SGMS1: variants seen among roughly 807,000 people sequenced by gnomAD.
The protein encoded by SGMS1 is sphingomyelin synthase 1.
Under a neutral mutation model 46.2 loss-of-function variants are expected in SGMS1, and 13 were observed. The observed-to-expected ratio is 0.28, with a 90% CI of 0.18 to 0.45. SGMS1 has a LOEUF of 0.45. SGMS1 is among the 20% of genes least tolerant of loss of function. SGMS1 has a pLI of 1.00. For synonymous variants in SGMS1, 203 were observed against 187.8 expected (o/e 1.08, Z -0.66); for missense variants, 324 against 519.9 (o/e 0.62, Z 3.66).
At chr10:50,341,774 A>G (rs1847825206) in intron 7 of SGMS1, among the ~76,000 whole-genome samples, 1 of 152,178 alleles carries the variant, frequency 6.6e-6, no homozygotes, top group African/African-American at 2.4e-5. Flanking sequence ...CAGTATTGTC[A>G]ATAAGTACCA....
chr10:50,608,894 A>G lies in SGMS1; in HGVS notation c.-684+14813T>C, dbSNP rs1284044950. On this transcript the variant is annotated intron_variant, in intron 1 of 10. Coordinates refer to ENST00000361781, the MANE Select transcript of SGMS1 (RefSeq NM_147156.4). ...ATGATATTTGCATATAACCTACACA[A>G]ATCCTCCTGTATCCTTTAAGTCATC... Among the ~76,000 whole-genome samples, 4 of 152,322 alleles carry G rather than the reference A, an allele frequency of 2.6e-5. No individual in the cohort carries two copies. In the East Asian group the frequency reaches 5.8e-4, roughly 22 times the overall value.
At chr10:50,587,682 G>A (rs914703787) in intron 2 of SGMS1, among the ~76,000 whole-genome samples, 75 of 68,078 alleles carry the variant, frequency 1.1e-3, no homozygotes, top group Middle Eastern at 8.1e-3. Context: ...TGTGTGTGTC[G>A]TTATGTAGTA....
At chr10:50,613,035 T>C (rs542273411) in intron 1 of SGMS1, among the ~76,000 whole-genome samples, 1 of 152,350 alleles carries the variant, frequency 6.6e-6, no homozygotes, top group African/African-American at 2.4e-5. Context: ...GCTCTGATTC[T>C]CCCTTTGGGG....
Position 50,551,831 on chromosome 10 carries a change from C to G in SGMS1, c.-588-31910G>C, listed in dbSNP as rs115423253. On this transcript the variant is annotated intron_variant, in intron 2 of 10. Coordinates refer to ENST00000361781, the MANE Select transcript of SGMS1 (RefSeq NM_147156.4). ...CCCCCTGTTCATTGTATTCTCCGATCCATCCTCCACACAGCTGCTGGAGTA... is the reference window on the plus strand; with the variant it reads ...CCCCCTGTTCATTGTATTCTCCGATGCATCCTCCACACAGCTGCTGGAGTA... Among the ~76,000 whole-genome samples the G allele has an allele frequency of 6.2e-3, 949 of 152,248 alleles. 6 individuals carry two copies. Among genetic ancestry groups the G allele is most frequent in the African/African-American group, 0.022 (902 of 41,540 alleles).
intron 3 of SGMS1, among the ~76,000 whole-genome samples, chr10:50,500,449 GA>G (rs768543028): frequency 6.6e-6 from 1 of 151,924 alleles, no homozygotes; most frequent in Non-Finnish European, 1.5e-5. Flanking sequence ...TCAAATAAAT[GA>G]AAATCGGTTT....
chr10:50,506,268 A>G (rs1837706004), intron 3 of SGMS1, among the ~76,000 whole-genome samples: 1 of 152,210 alleles, frequency 6.6e-6, no homozygotes, highest in Non-Finnish European at 1.5e-5. Flanking sequence ...GCTCTGCCTC[A>G]ATAAACTAAT....
intron 3 of SGMS1, among the ~76,000 whole-genome samples, chr10:50,481,841 T>C (rs1837480064): frequency 6.6e-6 from 1 of 152,186 alleles, no homozygotes; most frequent in South Asian, 2.1e-4. Flanking sequence ...TATGACCTGA[T>C]GGAGCTGAAA....
chr10:50,423,544 T>C (rs1220181003), intron 6 of SGMS1, among the ~76,000 whole-genome samples: 1 of 152,086 alleles, frequency 6.6e-6, no homozygotes, highest in Non-Finnish European at 1.5e-5. Context: ...ATCAAGAAAT[T>C]CCAAGCCATC....
chr10:50,407,821 C>G lies in SGMS1; in HGVS notation c.-232+25655G>C, dbSNP rs116154602. Among the ~76,000 whole-genome samples, 1,456 of 152,200 alleles carry G rather than the reference C, an allele frequency of 9.6e-3. 27 individuals are homozygous for G. Among genetic ancestry groups the G allele is most frequent in the African/African-American group, 0.033 (1,388 of 41,518 alleles). ...GTTTGGCCTAAAAGAGCCAGTTAAA[C>G]CCCTGAAATATTTTGATTTATAGAG... On this transcript the variant is annotated intron_variant, in intron 6 of 10. Coordinates refer to ENST00000361781, the MANE Select transcript of SGMS1 (RefSeq NM_147156.4).
At chr10:50,471,239 C>A (rs1837376099) in intron 3 of SGMS1, among the ~76,000 whole-genome samples, 1 of 152,162 alleles carries the variant, frequency 6.6e-6, no homozygotes, top group South Asian at 2.1e-4. Context: ...TTGCTTAATG[C>A]TGCAGAAAAG....
intron 8 of SGMS1, among the ~76,000 whole-genome samples, chr10:50,313,158 C>T (rs781639989): frequency 6.6e-6 from 1 of 152,102 alleles, no homozygotes; most frequent in African/African-American, 2.4e-5. Flanking sequence ...TTGAGCTAAA[C>T]GAAGGACAAA....
chr10:50,408,072 G>A (rs1445479909), intron 6 of SGMS1, among the ~76,000 whole-genome samples: 1 of 152,162 alleles, frequency 6.6e-6, no homozygotes, highest in Non-Finnish European at 1.5e-5. Flanking sequence ...AACCACATAT[G>A]TAGCTATTGA....
intron 7 of SGMS1, chr10:50,343,162 C>A (rs1847847201): frequency 5.3e-6 from 1 of 188,064 alleles, no homozygotes; most frequent in Non-Finnish European, 1.1e-5. Context: ...TAACACCAAC[C>A]AAGACTAGGT....
chr10:50,530,725 T>C (rs1837945423), intron 2 of SGMS1, among the ~76,000 whole-genome samples: 2 of 152,056 alleles, frequency 1.3e-5, no homozygotes, highest in East Asian at 3.9e-4. Context: ...CCTCAAGCAA[T>C]GCTCCCGCCT....
chr10:50,610,194 C>CA (rs1315230855), intron 1 of SGMS1, among the ~76,000 whole-genome samples: 9 of 152,206 alleles, frequency 5.9e-5, no homozygotes, highest in Non-Finnish European at 1.3e-4. Context: ...CACAGAACTA[C>CA]AACAAGGCTG....
rs939025734 is a variant in SGMS1, at chr10:50,377,243, T to A, written c.-231-32898A>T. 2.0e-5 allele frequency among the ~76,000 whole-genome samples: 3 copies of A among 152,218 alleles called. No homozygotes were observed. The South Asian group carries it at 6.2e-4, about 31-fold the overall frequency. ...TGTCAGAAGGCATCTCAGGGTGAGATGACTCACAAGAGAGAGCCAAACTGG... is the reference window on the plus strand; with the variant it reads ...TGTCAGAAGGCATCTCAGGGTGAGAAGACTCACAAGAGAGAGCCAAACTGG... On this transcript the variant is annotated intron_variant, in intron 6 of 10. Transcript: ENST00000361781.
intron 2 of SGMS1, among the ~76,000 whole-genome samples, chr10:50,589,212 T>C (rs991302586): frequency 2.0e-5 from 3 of 152,200 alleles, no homozygotes; most frequent in Non-Finnish European, 4.4e-5. Flanking sequence ...ATTTTTCTCA[T>C]ATCAAATTCA....
chr10:50,504,032 T>C (rs1295869028), intron 3 of SGMS1, among the ~76,000 whole-genome samples: 1 of 152,256 alleles, frequency 6.6e-6, no homozygotes, highest in African/African-American at 2.4e-5. Flanking sequence ...AAGCATGTTC[T>C]ACCTGCATCG....
chr10:50,538,575 C>T (rs1375113510), intron 2 of SGMS1, among the ~76,000 whole-genome samples: 2 of 152,236 alleles, frequency 1.3e-5, no homozygotes, highest in African/African-American at 2.4e-5. Context: ...TATTTAGCAT[C>T]CCACACCCTC....
Sources: allele counts gnomAD v4.1 joint callset (sites outside exome capture counted in the v4.1 genomes callset), GRCh38; gene constraint gnomAD v4.1.1; transcripts MANE v1.5; gene names NCBI Gene and HGNC (gene_info 2026-07-23, HGNC 2026-07-21).